The following DCT variants were observed in gnomAD, a reference collection of about 807,000 sequenced individuals.
DCT encodes the protein dopachrome tautomerase, also known as L-dopachrome tautomerase.
In DCT, 47 loss-of-function variants were observed where a neutral mutation model predicts 53.0. That is an observed-to-expected ratio of 0.89 (90% CI 0.70 to 1.13). DCT has a LOEUF of 1.13. DCT is among the 50% of genes most tolerant of loss of function. The probability of loss-of-function intolerance (pLI) is 0.00; values close to 1 mark genes in which losing one functional copy is unlikely to be tolerated. For missense variants in DCT, 669 were observed against 637.4 expected, an observed-to-expected ratio of 1.05 and a Z score of -0.53; for synonymous variants, 244 against 237.0, an observed-to-expected ratio of 1.03 and a Z score of -0.27.
the DCT span, among the ~76,000 whole-genome samples, chr13:94,544,249 A>AT: frequency 6.6e-6 from 1 of 151,958 alleles, no homozygotes; most frequent in South Asian, 2.1e-4. Context: ...GTTTAATGGG[A>AT]TTTTGTATGA....
rs1881963982 is a variant in DCT, at chr13:94,437,353, T to G, written c.*2545A>C. The G allele has an allele frequency of 6.6e-6, 1 of 151,924 alleles. No individual in the cohort carries two copies. Among genetic ancestry groups the G allele is most frequent in the South Asian group, 2.1e-4 (1 of 4,832 alleles). 9.4% of individuals were successfully genotyped at this position (151,924 alleles called of 1,614,324 possible). On this transcript the variant is annotated 3_prime_UTR_variant, in exon 8 of 8. Coordinates refer to ENST00000377028, the MANE Select transcript of DCT (RefSeq NM_001922.5). ...TTAGTTTCCTTTTTAGTAAGTTTTC[T>G]ACTTCTTAATAATGAGATTAAAACT...
upstream of DCT, among the ~76,000 whole-genome samples, chr13:94,484,632 C>T (rs1373982764): frequency 6.6e-6 from 1 of 152,178 alleles, no homozygotes; most frequent in African/African-American, 2.4e-5. Context: ...CCTCTGTCCT[C>T]GGCTTGCAGA....
chr13:94,472,725 G>A (rs7981737), intron 1 of DCT, among the ~76,000 whole-genome samples: 3,313 of 150,620 alleles, frequency 0.022, 120 homozygotes, highest in African/African-American at 0.077. Flanking sequence ...GGGATTACAG[G>A]TGCACACCAC....
intron 7 of DCT, among the ~76,000 whole-genome samples, chr13:94,442,843 C>T (rs1445820469): frequency 1.3e-5 from 2 of 152,148 alleles, no homozygotes; most frequent in Non-Finnish European, 2.9e-5. Context: ...AAACAAAAGT[C>T]TGCCTTTATT....
chr13:94,500,664 C>A, the DCT span, among the ~76,000 whole-genome samples: 1 of 121,036 alleles, frequency 8.3e-6, no homozygotes, highest in Non-Finnish European at 1.7e-5. Flanking sequence ...CATCCTGTTG[C>A]AAATGACAGA....
At chr13:94,484,221 G>A (rs1471925483), upstream of DCT, among the ~76,000 whole-genome samples, 1 of 152,152 alleles carries the variant, frequency 6.6e-6, no homozygotes, top group Non-Finnish European at 1.5e-5. Flanking sequence ...CCACTACTTG[G>A]AAGAGGTCCA....
the DCT span, among the ~76,000 whole-genome samples, chr13:94,530,641 A>G: frequency 6.6e-6 from 1 of 152,206 alleles, no homozygotes; most frequent in African/African-American, 2.4e-5. Flanking sequence ...AATGTATCTC[A>G]AAATAATAAG....
intron 4 of DCT, among the ~76,000 whole-genome samples, chr13:94,464,008 C>T (rs186316876): frequency 6.6e-6 from 1 of 152,200 alleles, no homozygotes; most frequent in Non-Finnish European, 1.5e-5. Context: ...TAAACTCAGC[C>T]TTCTCTAAAT....
chr13:94,463,514 T>C (rs61964066), intron 4 of DCT, among the ~76,000 whole-genome samples: 22,027 of 151,742 alleles, frequency 0.15, 1,930 homozygotes, highest in Non-Finnish European at 0.2. Context: ...GGTCTCGAAC[T>C]CCTGACCTCA....
the DCT span, among the ~76,000 whole-genome samples, chr13:94,534,819 T>G: frequency 5.3e-4 from 80 of 152,318 alleles, no homozygotes; most frequent in Non-Finnish European, 9.4e-4. Flanking sequence ...AGGAGGAAAA[T>G]TTGAAGGCAA....
At chr13:94,445,419 C>T (rs1404219003) in intron 6 of DCT, among the ~76,000 whole-genome samples, 1 of 152,192 alleles carries the variant, frequency 6.6e-6, no homozygotes, top group Non-Finnish European at 1.5e-5. Flanking sequence ...AAGCCCAAAC[C>T]AACTCATATA....
the DCT span, among the ~76,000 whole-genome samples, chr13:94,511,182 C>T: frequency 1.3e-5 from 2 of 152,154 alleles, no homozygotes; most frequent in African/African-American, 4.8e-5. Flanking sequence ...AGGTGCTTAT[C>T]TGTCTCTCCG....
chr13:94,499,374 A>AAAT, the DCT span, among the ~76,000 whole-genome samples: 1 of 152,190 alleles, frequency 6.6e-6, no homozygotes, highest in Non-Finnish European at 1.5e-5. Flanking sequence ...AACTTGGCAT[A>AAAT]AATATTTAGC....
At chr13:94,536,948 G>A in the DCT span, among the ~76,000 whole-genome samples, 465 of 152,128 alleles carry the variant, frequency 3.1e-3, 2 homozygotes, top group African/African-American at 0.011. Flanking sequence ...CACCTCAAAA[G>A]CAAAAACAAA....
the DCT span, among the ~76,000 whole-genome samples, chr13:94,530,507 T>C: frequency 3.3e-5 from 5 of 152,154 alleles, no homozygotes; most frequent in Non-Finnish European, 7.3e-5. Context: ...ACGAACGTAA[T>C]CCATCACATA....
intron 6 of DCT, among the ~76,000 whole-genome samples, chr13:94,455,252 T>C (rs1398984779): frequency 6.6e-6 from 1 of 152,074 alleles, no homozygotes; most frequent in Non-Finnish European, 1.5e-5. Flanking sequence ...CATGGTGGTA[T>C]GTGGCTATAG....
intron 6 of DCT, chr13:94,445,743 C>A: frequency 6.3e-7 from 1 of 1,586,814 alleles, no homozygotes; most frequent in Admixed American, 1.8e-5. Flanking sequence ...AAGGGAGTTC[C>A]TTGGTCGCTT....
At chr13:94,465,373 C>T in intron 4 of DCT, 1 of 271,330 alleles carries the variant, frequency 3.7e-6, no homozygotes, top group African/African-American at 2.2e-5. Context: ...ATTACATTTG[C>T]ACTAATCTGA....
At chr13:94,542,150 A>G in the DCT span, among the ~76,000 whole-genome samples, 2 of 152,286 alleles carry the variant, frequency 1.3e-5, no homozygotes, top group South Asian at 4.1e-4. Context: ...AAGCACTTCA[A>G]ACATTAACAT....
Sources: gnomAD v4.1 joint callset for allele counts (sites outside exome capture counted in the v4.1 genomes callset) on GRCh38, gnomAD v4.1.1 for gene constraint, MANE v1.5 for transcripts, NCBI Gene and HGNC (gene_info 2026-07-23, HGNC 2026-07-21) for gene names.